The following TMEM117 variants were observed in gnomAD, a reference collection of about 807,000 sequenced individuals.
TMEM117 encodes transmembrane protein 117.
In TMEM117, 27 loss-of-function variants were observed where a neutral mutation model predicts 52.4. The ratio of observed to expected loss-of-function variants is 0.51; its 90% CI spans 0.38 to 0.71. TMEM117 has a LOEUF of 0.71. TMEM117 is among the 30% of genes least tolerant of loss of function. The pLI, the probability that TMEM117 is intolerant of heterozygous loss-of-function variation, is 0.00. For missense variants in TMEM117, 556 were observed against 630.5 expected (o/e 0.88, Z 1.26); for synonymous variants, 215 against 206.3 (o/e 1.04, Z -0.36).
chr12:44,345,943 T>G (rs1951481042), intron 6 of TMEM117, among the ~76,000 whole-genome samples: 2 of 152,158 alleles, frequency 1.3e-5, no homozygotes, highest in Non-Finnish European at 2.9e-5. Flanking sequence ...AACAGAATCT[T>G]CTGGACCTGC....
At chr12:44,311,831 GTATATATGTATATATA>G (rs1565701636) in intron 6 of TMEM117, among the ~76,000 whole-genome samples, 12 of 24,792 alleles carry the variant, frequency 4.8e-4, no homozygotes, top group Non-Finnish European at 1.1e-3. Flanking sequence ...ATGTATATAT[GTATATATGTATATATA>G]TGTATATATG....
At chr12:44,330,377 A>C (rs183156628) in intron 6 of TMEM117, among the ~76,000 whole-genome samples, 1 of 152,154 alleles carries the variant, frequency 6.6e-6, no homozygotes, top group Admixed American at 6.6e-5. Context: ...GTCCAATGGA[A>C]ATACATTGTG....
At chr12:43,947,325 A>G (rs1945149736) in intron 3 of TMEM117, among the ~76,000 whole-genome samples, 1 of 152,134 alleles carries the variant, frequency 6.6e-6, no homozygotes. Context: ...AAACAACAAG[A>G]CTCTGCCTCT....
chr12:43,946,406 T>TTTTTTTTTTTTA (rs147787124), intron 3 of TMEM117, among the ~76,000 whole-genome samples: 1 of 131,834 alleles, frequency 7.6e-6, no homozygotes, highest in Non-Finnish European at 1.6e-5. Flanking sequence ...TTTGTTTTTT[T>TTTTTTTTTTTTA]ATCTAGAGCT....
At chr12:44,200,807 A>G (rs1949485725) in intron 4 of TMEM117, among the ~76,000 whole-genome samples, 1 of 152,186 alleles carries the variant, frequency 6.6e-6, no homozygotes, top group Admixed American at 6.5e-5. Context: ...CGTAGGTGCC[A>G]GACTCTAAAA....
intron 4 of TMEM117, among the ~76,000 whole-genome samples, chr12:44,185,206 A>C (rs910306332): frequency 5.3e-5 from 8 of 152,190 alleles, no homozygotes; most frequent in Non-Finnish European, 1.2e-4. Flanking sequence ...CTTACTTTGC[A>C]TTATCAGTGA....
At chr12:44,199,608 C>T (rs1294702515) in intron 4 of TMEM117, among the ~76,000 whole-genome samples, 1 of 152,036 alleles carries the variant, frequency 6.6e-6, no homozygotes, top group Non-Finnish European at 1.5e-5. Context: ...CTTAGTTGCA[C>T]AAGGAACTAA....
intron 3 of TMEM117, among the ~76,000 whole-genome samples, chr12:44,120,538 G>A (rs960690861): frequency 4.6e-5 from 7 of 152,310 alleles, no homozygotes; most frequent in Admixed American, 3.9e-4. Context: ...TATGTAACCA[G>A]AGGGCCTGCT....
intron 3 of TMEM117, among the ~76,000 whole-genome samples, chr12:43,965,704 G>A (rs1279272027): frequency 6.6e-6 from 1 of 152,160 alleles, no homozygotes; most frequent in East Asian, 1.9e-4. Flanking sequence ...CTTGGACTGA[G>A]ATTAGGAAGA....
chr12:44,089,555 T>A (rs536448472), intron 3 of TMEM117, among the ~76,000 whole-genome samples: 3 of 152,128 alleles, frequency 2.0e-5, no homozygotes, highest in Non-Finnish European at 4.4e-5. Flanking sequence ...GCTTCTGTAT[T>A]GTCCCACCCC....
chr12:43,873,495 T>C (rs1270911973), intron 2 of TMEM117, among the ~76,000 whole-genome samples: 1 of 152,142 alleles, frequency 6.6e-6, no homozygotes, highest in Non-Finnish European at 1.5e-5. Flanking sequence ...TTAATTTTAA[T>C]ACCAAAATGC....
chr12:44,000,772 T>C (rs1041940135), intron 3 of TMEM117, among the ~76,000 whole-genome samples: 1 of 152,198 alleles, frequency 6.6e-6, no homozygotes, highest in African/African-American at 2.4e-5. Flanking sequence ...CTGTGACCTC[T>C]TCCCGGGTCG....
At chr12:44,344,391 C>T (rs1951456722) in intron 6 of TMEM117, among the ~76,000 whole-genome samples, 2 of 152,100 alleles carry the variant, frequency 1.3e-5, no homozygotes, top group Non-Finnish European at 2.9e-5. Context: ...GGTTTAATGA[C>T]AGTTGTTGCA....
At chr12:44,139,589 A>G (rs186016495) in intron 3 of TMEM117, among the ~76,000 whole-genome samples, 2 of 152,226 alleles carry the variant, frequency 1.3e-5, no homozygotes, top group African/African-American at 2.4e-5. Context: ...TTAAAAGCCT[A>G]TATCAATGAT....
intron 3 of TMEM117, among the ~76,000 whole-genome samples, chr12:43,946,442 G>A (rs570451163): frequency 1.5e-5 from 2 of 135,446 alleles, no homozygotes; most frequent in South Asian, 4.6e-4. Flanking sequence ...AACTGGAAAT[G>A]CTTATTCTGA....
chr12:43,843,569 A>G (rs564409888), intron 1 of TMEM117, among the ~76,000 whole-genome samples: 1 of 152,304 alleles, frequency 6.6e-6, no homozygotes, highest in East Asian at 1.9e-4. Context: ...AGGACCTACT[A>G]CTGTGGGCAT....
At chr12:43,989,760 A>G (rs1378704800) in intron 3 of TMEM117, among the ~76,000 whole-genome samples, 3 of 152,096 alleles carry the variant, frequency 2.0e-5, no homozygotes, top group Non-Finnish European at 4.4e-5. Flanking sequence ...AATTATTATT[A>G]ATTATTGTTA....
At chr12:44,007,755 G>A (rs1946223006) in intron 3 of TMEM117, among the ~76,000 whole-genome samples, 1 of 152,130 alleles carries the variant, frequency 6.6e-6, no homozygotes, top group South Asian at 2.1e-4. Context: ...TCTCGTGATA[G>A]TGAATAAGTC....
intron 3 of TMEM117, among the ~76,000 whole-genome samples, chr12:44,050,611 T>G (rs1263125704): frequency 1.3e-5 from 2 of 152,228 alleles, no homozygotes; most frequent in East Asian, 3.8e-4. Context: ...TTTCTCTGCC[T>G]TGCCTTTAAA....
Sources: allele counts gnomAD v4.1 joint callset (sites outside exome capture counted in the v4.1 genomes callset), GRCh38; gene constraint gnomAD v4.1.1; transcripts MANE v1.5; gene names NCBI Gene and HGNC (gene_info 2026-07-23, HGNC 2026-07-21).